STK10: variants seen among roughly 807,000 people sequenced by gnomAD.
STK10 encodes serine/threonine kinase 10.
Under a neutral mutation model 113.8 loss-of-function variants are expected in STK10, and 78 were observed. The observed-to-expected ratio is 0.69, with a 90% CI of 0.57 to 0.83. The LOEUF is 0.83. Among genes scored for constraint, STK10 ranks in the 40% least tolerant of loss-of-function variants. The pLI, the probability that STK10 is intolerant of heterozygous loss-of-function variation, is 0.00. For missense variants in STK10, 1,109 were observed against 1,280.1 expected (o/e 0.87, Z 2.04); for synonymous variants, 465 against 494.7 (o/e 0.94, Z 0.80).
chr5:172,065,715 G>A (rs896691858), intron 12 of STK10, among the ~76,000 whole-genome samples: 26 of 152,124 alleles, frequency 1.7e-4, no homozygotes, highest in Admixed American at 9.8e-4. Context: ...GCTTTGGGAC[G>A]TTTGCTGGAA....
intron 1 of STK10, among the ~76,000 whole-genome samples, chr5:172,181,424 T>C (rs1770851547): frequency 6.6e-6 from 1 of 152,202 alleles, no homozygotes; most frequent in African/African-American, 2.4e-5. Context: ...AATTGTCTTC[T>C]ATTACGTATT....
chr5:172,144,454 G>A (rs2113804168), intron 2 of STK10, among the ~76,000 whole-genome samples: 1 of 152,302 alleles, frequency 6.6e-6, no homozygotes, highest in East Asian at 1.9e-4. Flanking sequence ...CAAGTCCCTG[G>A]AGGCAGACAC....
chr5:172,068,586 T>C (rs1768118047), intron 12 of STK10, among the ~76,000 whole-genome samples: 1 of 152,206 alleles, frequency 6.6e-6, no homozygotes, highest in Non-Finnish European at 1.5e-5. Context: ...TCCCTTAAGA[T>C]CTTTAAAATC....
intron 10 of STK10, among the ~76,000 whole-genome samples, chr5:172,083,925 GAAAAA>G (rs58326550): frequency 3.5e-5 from 3 of 85,768 alleles, no homozygotes; most frequent in African/African-American, 7.0e-5. Flanking sequence ...ACAAAAAAAA[GAAAAA>G]AAAAAAAAAA....
chr5:172,095,293 C>T (rs1202634678), intron 8 of STK10, among the ~76,000 whole-genome samples: 4 of 152,214 alleles, frequency 2.6e-5, no homozygotes, highest in Admixed American at 2.6e-4. Flanking sequence ...CTGTCACCTC[C>T]ACCCCAATAC....
intron 3 of STK10, among the ~76,000 whole-genome samples, chr5:172,126,905 G>A (rs1769632977): frequency 6.6e-6 from 1 of 152,176 alleles, no homozygotes; most frequent in South Asian, 2.1e-4. Flanking sequence ...AAGAGGGAGA[G>A]TGGCCAGTTC....
chr5:172,164,128 C>T (rs1393112406), intron 1 of STK10, among the ~76,000 whole-genome samples: 2 of 150,068 alleles, frequency 1.3e-5, no homozygotes, highest in Admixed American at 6.7e-5. Flanking sequence ...AGGAGAATCA[C>T]TTGAACCCGG....
chr5:172,157,528 C>T (rs1770376209), intron 1 of STK10, among the ~76,000 whole-genome samples: 1 of 152,068 alleles, frequency 6.6e-6, no homozygotes, highest in East Asian at 1.9e-4. Context: ...TGCACTCCAG[C>T]CTGGGTGACA....
chr5:172,065,515 G>A (rs1052444778), intron 12 of STK10, among the ~76,000 whole-genome samples: 12 of 152,046 alleles, frequency 7.9e-5, no homozygotes, highest in African/African-American at 2.2e-4. Flanking sequence ...ATGTGCCACC[G>A]CGCCTGGCCG....
At chr5:172,091,615 C>T (rs1271271445) in intron 9 of STK10, among the ~76,000 whole-genome samples, 2 of 151,562 alleles carry the variant, frequency 1.3e-5, no homozygotes, top group African/African-American at 4.9e-5. Flanking sequence ...ACCACAACCT[C>T]TGCCTCCCGG....
At chr5:172,064,498 G>T (rs2113706652) in intron 13 of STK10, 1 of 595,690 alleles carries the variant, frequency 1.7e-6, no homozygotes, top group Non-Finnish European at 3.0e-6. Context: ...AAGTGTTGGG[G>T]TATCCAGAGA....
chr5:172,141,450 G>T (rs1769970604), intron 2 of STK10, among the ~76,000 whole-genome samples: 1 of 151,918 alleles, frequency 6.6e-6, no homozygotes, highest in African/African-American at 2.4e-5. Flanking sequence ...GCATAGTGGT[G>T]CGTGCCTGTG....
chr5:172,148,017 G>A (rs1397870078), intron 2 of STK10, among the ~76,000 whole-genome samples: 1 of 152,168 alleles, frequency 6.6e-6, no homozygotes, highest in African/African-American at 2.4e-5. Flanking sequence ...TGTGGACTAT[G>A]AGCAACACGC....
chr5:172,158,249 A>G (rs1251748313), intron 1 of STK10, among the ~76,000 whole-genome samples: 1 of 151,918 alleles, frequency 6.6e-6, no homozygotes, highest in African/African-American at 2.4e-5. Context: ...GACCTATCCT[A>G]GGACCTAGCA....
rs539349074 is a variant in STK10, at chr5:172,120,940, C to A, written c.371-3310G>T. 6.6e-6 allele frequency among the ~76,000 whole-genome samples: 1 copy of A among 152,170 alleles called. No homozygotes were observed. The highest frequency in any genetic ancestry group is 6.5e-5 in the Admixed American group (1 of 15,280). On this transcript the variant is annotated intron_variant, in intron 3 of 18. Coordinates refer to ENST00000176763, the MANE Select transcript of STK10 (RefSeq NM_005990.4). The surrounding 1 kb of genome is among the most constrained non-coding windows in gnomAD (Gnocchi z 4.0). ...CAGGCATGAGGATAAGGACACGGTGCATACTGTCATTTAATCCTCGCAGTA... is the reference window on the plus strand; with the variant it reads ...CAGGCATGAGGATAAGGACACGGTGAATACTGTCATTTAATCCTCGCAGTA...
intron 12 of STK10, among the ~76,000 whole-genome samples, chr5:172,070,255 A>ATATATATC (rs948637964): frequency 0.015 from 2,203 of 147,098 alleles, 54 homozygotes; most frequent in African/African-American, 0.05. Flanking sequence ...CCTCAAAAAA[A>ATATATATC]TATATATCTA....
At chr5:172,142,712 G>C (rs935199241) in intron 2 of STK10, among the ~76,000 whole-genome samples, 2 of 152,210 alleles carry the variant, frequency 1.3e-5, no homozygotes, top group Non-Finnish European at 2.9e-5. Context: ...GTCAATGCTT[G>C]ATAAATGTTA....
intron 4 of STK10, among the ~76,000 whole-genome samples, chr5:172,108,492 T>TA (rs557428489): frequency 5.7e-4 from 87 of 151,812 alleles, no homozygotes; most frequent in African/African-American, 1.6e-3. Context: ...GGTGGACGCC[T>TA]GTAATCCCAG....
At chr5:172,163,478 GGA>G (rs1235873612) in intron 1 of STK10, among the ~76,000 whole-genome samples, 1 of 152,204 alleles carries the variant, frequency 6.6e-6, no homozygotes, top group African/African-American at 2.4e-5. Context: ...TGGCAGCTGA[GGA>G]GTGCTCAGGC....
Sources: gnomAD v4.1 joint callset for allele counts (sites outside exome capture counted in the v4.1 genomes callset) on GRCh38, gnomAD v4.1.1 for gene constraint, Gnocchi (gnomAD v3.1) non-coding constraint, MANE v1.5 for transcripts, NCBI Gene and HGNC (gene_info 2026-07-23, HGNC 2026-07-21) for gene names.